PTPN3: variants seen among roughly 807,000 people sequenced by gnomAD.
PTPN3 encodes protein tyrosine phosphatase non-receptor type 3.
Under a neutral mutation model 132.7 loss-of-function variants are expected in PTPN3, and 96 were observed. The observed-to-expected ratio is 0.72, with a 90% CI of 0.61 to 0.86. PTPN3 has a LOEUF of 0.86. Among genes scored for constraint, PTPN3 ranks in the 40% least tolerant of loss-of-function variants. PTPN3 has a pLI of 0.00. For synonymous variants in PTPN3, 398 were observed against 429.0 expected (o/e 0.93, Z 0.89); for missense variants, 1,125 against 1,159.6 (o/e 0.97, Z 0.43).
intron 23 of PTPN3, 66 bp from the exon 24 acceptor site, chr9:109,382,513 C>A: frequency 1.3e-6 from 2 of 1,578,344 alleles, no homozygotes; most frequent in South Asian, 1.1e-5. Context: ...CAGCCCCAAC[C>A]CAGACACAGG....
chr9:109,392,541 G>C (rs552908223), intron 19 of PTPN3: 1 of 152,080 alleles, frequency 6.6e-6, no homozygotes, highest in Non-Finnish European at 1.5e-5. Flanking sequence ...ATATGTAAAC[G>C]CATAATACAT....
the PTPN3 span, chr9:109,533,678 AT>A: frequency 1.3e-5 from 19 of 1,485,554 alleles, no homozygotes; most frequent in South Asian, 2.4e-4. Flanking sequence ...AGCACCCTCC[AT>A]CACTTCTCCC....
At chr9:109,534,248 C>A in the PTPN3 span, 11 of 1,506,782 alleles carry the variant, frequency 7.3e-6, no homozygotes, top group Non-Finnish European at 9.0e-6. Context: ...CCCGTAGTGC[C>A]GGGCGTGGTG....
In PTPN3 at chr9:109,484,393, C is replaced by A. The variant is rs150941658; in HGVS notation, c.-18+13826G>T. Among the ~76,000 whole-genome samples the A allele has an allele frequency of 9.2e-5, 14 of 152,306 alleles. No homozygotes were observed. In the East Asian group the frequency reaches 1.5e-3, roughly 17 times the overall value. ...GGGCCCTGGAGTGAGGGAGTGGGGGCCCGGTGATGGTCCCAGGCTCACCAC... is the reference window on the plus strand; with the variant it reads ...GGGCCCTGGAGTGAGGGAGTGGGGGACCGGTGATGGTCCCAGGCTCACCAC... On this transcript the variant is annotated intron_variant, in intron 1 of 25. Transcript: ENST00000374541.
intron 20 of PTPN3, 67 bp from the exon 21 acceptor site, chr9:109,391,266 G>T: frequency 6.7e-7 from 1 of 1,482,726 alleles, no homozygotes; most frequent in African/African-American, 1.4e-5. Flanking sequence ...GTAAACCAGA[G>T]TTCAGTTCCC....
chr9:109,408,782 A>T (rs1223660909), intron 16 of PTPN3, among the ~76,000 whole-genome samples: 50 of 42,284 alleles, frequency 1.2e-3, no homozygotes, highest in South Asian at 7.8e-3. Flanking sequence ...TATAATAATT[A>T]AAAAAAAAAA....
chr9:109,472,459 T>A (rs1846429760), intron 1 of PTPN3, among the ~76,000 whole-genome samples: 1 of 152,194 alleles, frequency 6.6e-6, no homozygotes, highest in South Asian at 2.1e-4. Flanking sequence ...ATCATTTTTA[T>A]TTTTTTGCGA....
intron 11 of PTPN3, 99 bp from the exon 12 acceptor site, chr9:109,427,221 G>C (rs1483031854): frequency 7.5e-7 from 1 of 1,329,004 alleles, no homozygotes; most frequent in Non-Finnish European, 1.0e-6. Flanking sequence ...AGATGCAACA[G>C]ACAGCAGAAA....
chr9:109,446,936 CG>C (rs2131983374), intron 6 of PTPN3, among the ~76,000 whole-genome samples: 1 of 138,412 alleles, frequency 7.2e-6, no homozygotes. Flanking sequence ...CTACCATGGA[CG>C]GCTCAAACAA....
chr9:109,449,727 G>C (rs1845125664), intron 5 of PTPN3: 13 of 985,302 alleles, frequency 1.3e-5, no homozygotes, highest in Non-Finnish European at 1.4e-5. Flanking sequence ...TGGCCAAGAT[G>C]ACAAAAGGGA....
the PTPN3 span, among the ~76,000 whole-genome samples, chr9:109,519,214 C>T: frequency 4.6e-5 from 7 of 152,160 alleles, no homozygotes; most frequent in Admixed American, 6.5e-5. Flanking sequence ...AGAGGGTTCA[C>T]GTTACAACTT....
intron 1 of PTPN3, among the ~76,000 whole-genome samples, chr9:109,468,003 C>T (rs1474894285): frequency 6.6e-6 from 1 of 152,102 alleles, no homozygotes; most frequent in Non-Finnish European, 1.5e-5. Flanking sequence ...AAGAATGAGC[C>T]TGATGTTGAA....
intron 16 of PTPN3, 62 bp from the exon 17 acceptor site, chr9:109,408,439 A>AACAG (rs1203499347): frequency 8.9e-6 from 12 of 1,354,118 alleles, no homozygotes; most frequent in Non-Finnish European, 1.2e-5. Flanking sequence ...CAAACAAACA[A>AACAG]AAAAACGAGT....
chr9:109,485,680 C>T (rs967306552), intron 1 of PTPN3, among the ~76,000 whole-genome samples: 3 of 152,178 alleles, frequency 2.0e-5, no homozygotes, highest in South Asian at 4.1e-4. Context: ...CCACACTCAT[C>T]TCCTCCTACG....
intron 18 of PTPN3, among the ~76,000 whole-genome samples, chr9:109,406,028 C>T (rs541097677): frequency 6.6e-6 from 1 of 152,332 alleles, no homozygotes; most frequent in South Asian, 2.1e-4. Context: ...TGAGGAATCA[C>T]CCGAGACAGT....
chr9:109,458,364 G>A (rs1845670467), intron 2 of PTPN3, among the ~76,000 whole-genome samples: 1 of 152,232 alleles, frequency 6.6e-6, no homozygotes, highest in Non-Finnish European at 1.5e-5. Flanking sequence ...AAACAGCATG[G>A]AGTGTTTGGA....
chr9:109,396,955 C>G (rs549507650), intron 19 of PTPN3, among the ~76,000 whole-genome samples: 1 of 152,170 alleles, frequency 6.6e-6, no homozygotes, highest in African/African-American at 2.4e-5. Context: ...CTCTAACCAG[C>G]GGATGCTGGC....
intron 16 of PTPN3, among the ~76,000 whole-genome samples, chr9:109,408,845 A>AATATAT (rs139812662): frequency 1.7e-5 from 2 of 119,680 alleles, no homozygotes; most frequent in East Asian, 4.7e-4. Flanking sequence ...TATGGGCTTT[A>AATATAT]ATATATATAT....
At chr9:109,534,108 G>C in the PTPN3 span, 104 of 785,258 alleles carry the variant, frequency 1.3e-4, no homozygotes, top group Non-Finnish European at 2.4e-4. Context: ...TCCTGTTGAT[G>C]AAAGCATATC....
Sources: gnomAD v4.1 joint callset for allele counts (sites outside exome capture counted in the v4.1 genomes callset) on GRCh38, gnomAD v4.1.1 for gene constraint, MANE v1.5 for transcripts, NCBI Gene and HGNC (gene_info 2026-07-23, HGNC 2026-07-21) for gene names.